The following RPS6KC1 variants were observed in gnomAD, a reference collection of about 807,000 sequenced individuals.
The protein encoded by RPS6KC1 is inactive ribosomal protein S6 kinase delta-1.
RPS6KC1 carries 54 observed loss-of-function variants against 103.8 expected under a neutral mutation model. That is an observed-to-expected ratio of 0.52 (90% CI 0.42 to 0.65). The LOEUF is 0.65. Among genes scored for constraint, RPS6KC1 ranks in the 30% least tolerant of loss-of-function variants. The pLI is 0.00. For missense variants in RPS6KC1, 1,151 were observed against 1,253.8 expected (o/e 0.92, Z 1.24); for synonymous variants, 439 against 438.7 (o/e 1.00, Z -0.01).
At chr1:213,207,651 G>A (rs929179381) in intron 8 of RPS6KC1, among the ~76,000 whole-genome samples, 1 of 152,114 alleles carries the variant, frequency 6.6e-6, no homozygotes, top group African/African-American at 2.4e-5. Context: ...ACATGTGCGT[G>A]TTTATAAATT....
At chr1:213,056,549 G>A (rs1316973975) in intron 1 of RPS6KC1, among the ~76,000 whole-genome samples, 3 of 152,344 alleles carry the variant, frequency 2.0e-5, no homozygotes, top group East Asian at 3.9e-4. Flanking sequence ...ACAAAGGGGA[G>A]TGAGGGAATT....
chr1:213,634,049 C>T, the RPS6KC1 span, among the ~76,000 whole-genome samples: 1 of 151,894 alleles, frequency 6.6e-6, no homozygotes, highest in South Asian at 2.1e-4. Context: ...TATATATGCA[C>T]CCAATAAAGG....
At chr1:213,498,081 A>G in the RPS6KC1 span, among the ~76,000 whole-genome samples, 8 of 152,176 alleles carry the variant, frequency 5.3e-5, no homozygotes, top group Admixed American at 3.3e-4. Context: ...ATGCTTTTAA[A>G]TAACTTCTAA....
At chr1:213,634,808 C>A in the RPS6KC1 span, among the ~76,000 whole-genome samples, 4 of 150,934 alleles carry the variant, frequency 2.7e-5, no homozygotes, top group Non-Finnish European at 3.0e-5. Context: ...AAAAAAAAAC[C>A]CTTCAAAAAA....
the RPS6KC1 span, among the ~76,000 whole-genome samples, chr1:213,634,320 T>C: frequency 4.6e-5 from 7 of 152,154 alleles, no homozygotes. Flanking sequence ...ATTGACCACA[T>C]AGTTGGAAGT....
the RPS6KC1 span, among the ~76,000 whole-genome samples, chr1:213,602,110 TTCTTTCTTTC>T: frequency 1.2e-3 from 49 of 39,276 alleles, 1 homozygote; most frequent in African/African-American, 3.2e-3. Flanking sequence ...CTTTCTTTCT[TTCTTTCTTTC>T]TCTTTCTTTC....
the RPS6KC1 span, among the ~76,000 whole-genome samples, chr1:213,534,625 TC>T: frequency 1.3e-5 from 2 of 152,046 alleles, no homozygotes; most frequent in African/African-American, 4.8e-5. Context: ...CAGAGTTCCT[TC>T]CTCCCATGGA....
chr1:213,619,923 T>A, the RPS6KC1 span, among the ~76,000 whole-genome samples: 23 of 152,218 alleles, frequency 1.5e-4, no homozygotes, highest in Non-Finnish European at 1.9e-4. Context: ...GTTAATATAG[T>A]ACTTGGAGTT....
At chr1:213,137,120 G>T (rs901404103) in intron 6 of RPS6KC1, among the ~76,000 whole-genome samples, 4 of 152,048 alleles carry the variant, frequency 2.6e-5, no homozygotes, top group Non-Finnish European at 5.9e-5. Flanking sequence ...ATGGGTTGGG[G>T]TCTTGTTTCT....
the RPS6KC1 span, among the ~76,000 whole-genome samples, chr1:213,355,139 AC>A: frequency 6.6e-6 from 1 of 152,030 alleles, no homozygotes; most frequent in Non-Finnish European, 1.5e-5. Context: ...AATCACTTGA[AC>A]CCAGGGACAG....
the RPS6KC1 span, among the ~76,000 whole-genome samples, chr1:213,405,678 G>C: frequency 4.6e-5 from 7 of 152,344 alleles, no homozygotes; most frequent in South Asian, 8.3e-4. Flanking sequence ...CAGCAATCTG[G>C]TTCTCTCGGA....
the RPS6KC1 span, among the ~76,000 whole-genome samples, chr1:213,372,439 C>T: frequency 4.1e-4 from 63 of 152,292 alleles, no homozygotes; most frequent in African/African-American, 1.4e-3. Flanking sequence ...CCTGGCCTTA[C>T]GGGATTGGGC....
chr1:213,345,991 A>G, the RPS6KC1 span, among the ~76,000 whole-genome samples: 43 of 152,346 alleles, frequency 2.8e-4, no homozygotes, highest in Admixed American at 2.3e-3. Context: ...TAGCTTTACA[A>G]TAAAGTTGCC....
the RPS6KC1 span, among the ~76,000 whole-genome samples, chr1:213,652,314 G>A: frequency 6.6e-6 from 1 of 152,078 alleles, no homozygotes; most frequent in Non-Finnish European, 1.5e-5. Flanking sequence ...GACCATTAGT[G>A]TCCCCATTTT....
At chr1:213,531,163 G>A in the RPS6KC1 span, among the ~76,000 whole-genome samples, 1 of 152,078 alleles carries the variant, frequency 6.6e-6, no homozygotes, top group African/African-American at 2.4e-5. Context: ...TTTAGAAAGG[G>A]AACCCCGGTT....
At chr1:213,141,138 C>A (rs746631832) in intron 6 of RPS6KC1, among the ~76,000 whole-genome samples, 4 of 152,074 alleles carry the variant, frequency 2.6e-5, no homozygotes, top group Non-Finnish European at 5.9e-5. Flanking sequence ...CTCAGGTGAT[C>A]TGTCCGCCTT....
the RPS6KC1 span, among the ~76,000 whole-genome samples, chr1:213,476,069 T>C: frequency 6.6e-6 from 1 of 152,058 alleles, no homozygotes; most frequent in African/African-American, 2.4e-5. Flanking sequence ...CTGGTGTGAC[T>C]GGTGTGCTTT....
At chr1:213,300,435 G>C in the RPS6KC1 span, among the ~76,000 whole-genome samples, 1 of 152,310 alleles carries the variant, frequency 6.6e-6, no homozygotes, top group East Asian at 1.9e-4. Flanking sequence ...AGAAGCAGGA[G>C]TATTGTGGCT....
chr1:213,363,642 C>CTT, the RPS6KC1 span, among the ~76,000 whole-genome samples: 1 of 56,786 alleles, frequency 1.8e-5, no homozygotes, highest in Admixed American at 1.7e-4. Flanking sequence ...TTCTTTCTTT[C>CTT]TTTCTTTCTT....
Sources: gnomAD v4.1 joint callset for allele counts (sites outside exome capture counted in the v4.1 genomes callset) on GRCh38, gnomAD v4.1.1 for gene constraint, MANE v1.5 for transcripts, NCBI Gene and HGNC (gene_info 2026-07-23, HGNC 2026-07-21) for gene names.